Variants in RREB1 observed in about 807,000 individuals in gnomAD.
RREB1 encodes ras responsive element binding protein 1.
In RREB1, 27 loss-of-function variants were observed where a neutral mutation model predicts 117.8. The ratio of observed to expected loss-of-function variants is 0.23; its 90% CI spans 0.17 to 0.32. RREB1 has a LOEUF of 0.32. RREB1 is among the 10% of genes least tolerant of loss of function. The pLI, the probability that RREB1 is intolerant of heterozygous loss-of-function variation, is 1.00. For synonymous variants in RREB1, 1,298 were observed against 1,026.7 expected (o/e 1.26, Z -5.05); for missense variants, 2,577 against 2,378.2 (o/e 1.08, Z -1.74).
chr6:7,161,831 C>G (rs780483939), intron 1 of RREB1, among the ~76,000 whole-genome samples: 2 of 152,186 alleles, frequency 1.3e-5, no homozygotes, highest in Non-Finnish European at 2.9e-5. Context: ...GCTGTAGTGC[C>G]CCTGTCCCTT....
chr6:7,154,609 A>G (rs1196121199), intron 1 of RREB1, among the ~76,000 whole-genome samples: 1 of 152,158 alleles, frequency 6.6e-6, no homozygotes, highest in Non-Finnish European at 1.5e-5. Context: ...TGATTTCAGT[A>G]TTATTATTGT....
In RREB1 at chr6:7,174,178, T is replaced by G. The variant is rs1272714792; in HGVS notation, c.-284-2477T>G. 1.7e-4 allele frequency among the ~76,000 whole-genome samples: 24 copies of G among 144,896 alleles called. 1 individual carries two copies. The highest frequency in any genetic ancestry group is 3.0e-5 in the Non-Finnish European group (2 of 67,072). On this transcript the variant is annotated intron_variant, in intron 1 of 12. Transcript: ENST00000379938. ...TTTTTTTTTTTTTTTTCTGAAGCATTGTTGATGGAGGTAAGGGGTGTCTTA... is the reference window on the plus strand; with the variant it reads ...TTTTTTTTTTTTTTTTCTGAAGCATGGTTGATGGAGGTAAGGGGTGTCTTA...
chr6:7,163,846 A>C (rs974026174), intron 1 of RREB1, among the ~76,000 whole-genome samples: 12 of 152,256 alleles, frequency 7.9e-5, no homozygotes, highest in African/African-American at 2.9e-4. Flanking sequence ...ATATCCAGTG[A>C]GCATGATAGA....
intron 1 of RREB1, among the ~76,000 whole-genome samples, chr6:7,133,062 G>T (rs1328759003): frequency 3.3e-5 from 5 of 152,174 alleles, no homozygotes; most frequent in Non-Finnish European, 7.3e-5. Context: ...GTTATGACTG[G>T]CAAGATTTGA....
At chr6:7,222,827 G>GT (rs1406038851) in intron 8 of RREB1, among the ~76,000 whole-genome samples, 4 of 152,032 alleles carry the variant, frequency 2.6e-5, no homozygotes, top group Admixed American at 6.6e-5. Flanking sequence ...AACCATAGAG[G>GT]TGCAGTAAAT....
Position 7,240,423 on chromosome 6 carries a change from T to C in RREB1, c.3809-15T>C. ...TAGAAAGCCAGATAAATATATATTT[T>C]TTTTCCTGCTTCAGGTCAGAAACCC... is the stretch of plus-strand genomic sequence containing the variant. On this transcript the variant is annotated splice_polypyrimidine_tract_variant and intron_variant, in intron 10 of 12. Coordinates refer to ENST00000379938, the MANE Select transcript of RREB1 (RefSeq NM_001003699.4). The C allele has an allele frequency of 2.5e-6, 4 of 1,599,010 alleles. No homozygotes were observed. In the Middle Eastern group the frequency reaches 5.0e-4, roughly 200 times the overall value.
intron 1 of RREB1, among the ~76,000 whole-genome samples, chr6:7,174,092 C>A (rs905029307): frequency 2.0e-5 from 3 of 151,700 alleles, no homozygotes; most frequent in African/African-American, 7.3e-5. Context: ...ACAACCAGAC[C>A]CAGGCTTTCT....
intron 10 of RREB1, among the ~76,000 whole-genome samples, chr6:7,236,894 T>TG (rs1251103375): frequency 7.5e-6 from 1 of 134,064 alleles, no homozygotes; most frequent in Non-Finnish European, 1.6e-5. Flanking sequence ...GAGGTTTTTT[T>TG]TTTTTTTTTT....
rs1278508003 is a variant in RREB1 at position 7,139,287 on chromosome 6, A to G, written c.-285+31227A>G. 8 of 152,166 alleles carry G rather than the reference A, an allele frequency of 5.3e-5. 1 individual carries two copies. The highest frequency in any genetic ancestry group is 3.9e-4 in the Admixed American group (6 of 15,278). The allele number at this position is 152,166 out of a possible 1,614,324, so 9.4% of individuals were successfully genotyped here. ...ATCCTGTTCTGGGTACAGTGTGTGT[A>G]TGTATATGTTTGTAAGTTGAAATTT... On this transcript the variant is annotated intron_variant, in intron 1 of 12. Coordinates refer to ENST00000379938, the MANE Select transcript of RREB1 (RefSeq NM_001003699.4).
At chr6:7,134,983 A>G (rs780033968) in intron 1 of RREB1, among the ~76,000 whole-genome samples, 3 of 152,192 alleles carry the variant, frequency 2.0e-5, no homozygotes, top group Non-Finnish European at 2.9e-5. Flanking sequence ...AAAGAATTCT[A>G]TTGGGAAAGA....
At chr6:7,195,896 G>A (rs1352872620) in intron 6 of RREB1, among the ~76,000 whole-genome samples, 1 of 152,218 alleles carries the variant, frequency 6.6e-6, no homozygotes, top group Non-Finnish European at 1.5e-5. Context: ...CTCTTCCCCT[G>A]AGGGGCACAG....
intron 10 of RREB1, among the ~76,000 whole-genome samples, chr6:7,238,285 T>A (rs1055422443): frequency 2.6e-5 from 4 of 152,246 alleles, no homozygotes; most frequent in Non-Finnish European, 4.4e-5. Flanking sequence ...TCGCCCAGGC[T>A]AGAGTGCAGT....
In RREB1 at chr6:7,251,437, A is replaced by AT. The variant is rs1554130066; in HGVS notation, c.*2469_*2470insT. On this transcript the variant is annotated 3_prime_UTR_variant, in exon 13 of 13. Transcript: ENST00000379938. The stretch of plus-strand genomic sequence containing the variant: ...CCTTCTCTCAGGGCTTTTACAAAAA[A>AT]ATATATATATATGGATCTTCTGAAA... The AT allele has an allele frequency of 3.3e-5, 5 of 151,298 alleles. No individual in the cohort carries two copies. Among genetic ancestry groups the AT allele is most frequent in the Admixed American group, 6.6e-5 (1 of 15,190 alleles). The allele number at this position is 151,298 out of a possible 1,614,324, so 9.4% of individuals were successfully genotyped here. A position where few individuals can be genotyped will look rare whatever the true frequency, so the allele number is the denominator to read the frequency against.
At chr6:7,207,591 A>G (rs138933601) in intron 6 of RREB1, among the ~76,000 whole-genome samples, 180 of 152,332 alleles carry the variant, frequency 1.2e-3, no homozygotes, top group Non-Finnish European at 2.2e-3. Context: ...TCTGGAGGTC[A>G]TAGTGCCAGC....
rs1413360204 is a variant in RREB1 at position 7,118,179 on chromosome 6, G to A, written c.-285+10119G>A. ...ACTATCTCCCAGGCTGGAGTGCAGG[G>A]GTGGAATCTCAGCTCACTGCAACCT... is the stretch of plus-strand genomic sequence containing the variant. On this transcript the variant is annotated intron_variant, in intron 1 of 12. Coordinates refer to ENST00000379938, the MANE Select transcript of RREB1 (RefSeq NM_001003699.4). 2.0e-5 allele frequency among the ~76,000 whole-genome samples: 3 copies of A among 151,994 alleles called. No individual in the cohort carries two copies. The East Asian group carries it at 5.8e-4, about 29-fold the overall frequency.
intron 1 of RREB1, among the ~76,000 whole-genome samples, chr6:7,150,204 T>C (rs1763054470): frequency 6.6e-6 from 1 of 152,044 alleles, no homozygotes; most frequent in East Asian, 1.9e-4. Flanking sequence ...GGTTCTCAAG[T>C]GGTTTGATAT....
intron 4 of RREB1, 52 bp from the exon 5 acceptor site, chr6:7,187,382 A>C: frequency 8.8e-7 from 1 of 1,142,622 alleles, no homozygotes; most frequent in Non-Finnish European, 1.3e-6. Context: ...AAGAAAAGGC[A>C]CTTGTTGACT....
At chr6:7,158,039 A>G (rs1007904869) in intron 1 of RREB1, among the ~76,000 whole-genome samples, 2 of 151,966 alleles carry the variant, frequency 1.3e-5, no homozygotes, top group African/African-American at 2.4e-5. Context: ...CTGTGGAGGG[A>G]TTCATCCCAC....
intron 1 of RREB1, among the ~76,000 whole-genome samples, chr6:7,111,953 T>C (rs1346291965): frequency 6.6e-6 from 1 of 152,220 alleles, no homozygotes; most frequent in Non-Finnish European, 1.5e-5. Flanking sequence ...AAGATAGAAA[T>C]GCAATTTAGT....
Sources: allele counts gnomAD v4.1 joint callset (sites outside exome capture counted in the v4.1 genomes callset), GRCh38; gene constraint gnomAD v4.1.1; transcripts MANE v1.5; gene names NCBI Gene and HGNC (gene_info 2026-07-23, HGNC 2026-07-21).